Variants in CPO observed in about 807,000 individuals in gnomAD.
CPO encodes carboxypeptidase O, also known as metallocarboxypeptidase C.
Under a neutral mutation model 41.2 loss-of-function variants are expected in CPO, and 43 were observed. The observed-to-expected ratio is 1.04, with a 90% CI of 0.82 to 1.35. The LOEUF (loss-of-function observed/expected upper bound fraction) is 1.35. Ranked by LOEUF, CPO falls within the 40% of genes most tolerant of loss-of-function variation. The pLI, the probability that CPO is intolerant of heterozygous loss-of-function variation, is 0.00. For missense variants in CPO, 408 were observed against 451.7 expected (o/e 0.90, Z 0.88); for synonymous variants, 178 against 162.7 (o/e 1.09, Z -0.72).
At chr2:206,940,847 C>T (rs958359492) in intron 1 of CPO, among the ~76,000 whole-genome samples, 1 of 152,122 alleles carries the variant, frequency 6.6e-6, no homozygotes, top group Non-Finnish European at 1.5e-5. Flanking sequence ...TGTGTGACCT[C>T]AGCTTGTTCC....
At chr2:206,947,446 C>T (rs916230594) in intron 1 of CPO, among the ~76,000 whole-genome samples, 2 of 152,072 alleles carry the variant, frequency 1.3e-5, no homozygotes, top group Non-Finnish European at 2.9e-5. Context: ...AACTATAAAA[C>T]TCTAGAAGAT....
chr2:206,965,567 T>A (rs936466530), intron 7 of CPO, among the ~76,000 whole-genome samples: 1 of 152,200 alleles, frequency 6.6e-6, no homozygotes, highest in Non-Finnish European at 1.5e-5. Flanking sequence ...AGAATTCTAA[T>A]GTTTTACATG....
intron 7 of CPO, among the ~76,000 whole-genome samples, chr2:206,965,102 A>C (rs1243617173): frequency 6.6e-6 from 1 of 152,220 alleles, no homozygotes; most frequent in Non-Finnish European, 1.5e-5. Flanking sequence ...GAAGAGAATA[A>C]CTGGCAACTC....
intron 3 of CPO, 30 bp downstream of exon 3, chr2:206,955,594 C>A: frequency 8.8e-7 from 1 of 1,134,878 alleles, no homozygotes; most frequent in Non-Finnish European, 1.3e-6. Flanking sequence ...ATTACCTTAC[C>A]AGGAGAATTA....
chr2:206,961,660 G>T (rs1693480420), intron 6 of CPO, among the ~76,000 whole-genome samples: 1 of 152,070 alleles, frequency 6.6e-6, no homozygotes, highest in African/African-American at 2.4e-5. Context: ...TTATGTCCTT[G>T]CTAAATAGCT....
intron 1 of CPO, among the ~76,000 whole-genome samples, chr2:206,943,721 GGATAGATGATA>G (rs1287560107): frequency 1.3e-4 from 16 of 121,416 alleles, no homozygotes; most frequent in Non-Finnish European, 2.6e-4. Context: ...GATAGATGAT[GGATAGATGATA>G]GATAGATAGA....
chr2:206,957,571 A>G (rs530725193), intron 3 of CPO, among the ~76,000 whole-genome samples: 1 of 152,280 alleles, frequency 6.6e-6, no homozygotes, highest in Admixed American at 6.5e-5. Context: ...TTTTCAACAA[A>G]TAGCCTTGGT....
rs369795028 is a variant in CPO at position 206,969,372 on chromosome 2, C to G, written c.1061C>G (p.Ala354Gly). Residue 354 changes from alanine to glycine, a missense_variant, in exon 9 of 9, where the codon GCT becomes GGT. Transcript: ENST00000272852. The stretch of plus-strand genomic sequence containing the variant: ...GCGAAACACTGGCACTCGGACAGTG[C>G]TGGAAGGGTGACATCTGCCACTATG... ...VYAKHWHSDS[A>G]GRVTSATMLL... 4 of 1,613,986 alleles carry G rather than the reference C, an allele frequency of 2.5e-6. No individual in the cohort carries two copies. The highest frequency in any genetic ancestry group is 3.4e-6 in the Non-Finnish European group (4 of 1,179,948).
At chr2:206,957,922 G>A (rs536325766) in intron 3 of CPO, among the ~76,000 whole-genome samples, 25 of 152,266 alleles carry the variant, frequency 1.6e-4, no homozygotes, top group African/African-American at 4.8e-4. Flanking sequence ...GCACTTCACC[G>A]CTCTAAGTGA....
chr2:206,941,898 G>A lies in CPO; in HGVS notation c.68+2231G>A, dbSNP rs375372461. On this transcript the variant is annotated intron_variant, in intron 1 of 8. Coordinates refer to ENST00000272852, the MANE Select transcript of CPO (RefSeq NM_173077.3). ...AAAGTGTAACTCTGTATAATCATTT[G>A]GGATTTAGCAATATCAATCAAATGG... Among the ~76,000 whole-genome samples, 253 of 151,972 alleles carry A rather than the reference G, an allele frequency of 1.7e-3. 4 individuals carry two copies. Among genetic ancestry groups the A allele is most frequent in the African/African-American group, 5.7e-3 (235 of 41,484 alleles).
intron 1 of CPO, among the ~76,000 whole-genome samples, chr2:206,943,782 TAAGCA>T (rs2105818309): frequency 7.0e-6 from 1 of 143,154 alleles, no homozygotes. Flanking sequence ...AGATAGATGA[TAAGCA>T]GATAGATGGA....
chr2:206,961,579 G>A (rs1008448318), intron 6 of CPO, among the ~76,000 whole-genome samples: 1 of 152,120 alleles, frequency 6.6e-6, no homozygotes, highest in Non-Finnish European at 1.5e-5. Flanking sequence ...GAAGTGTTGG[G>A]CACAGTACCT....
chr2:206,959,751 C>G lies in CPO; in HGVS notation c.483+10C>G, dbSNP rs748203289. The G allele has an allele frequency of 8.3e-7, 1 of 1,204,636 alleles. No individual in the cohort carries two copies. The highest frequency in any genetic ancestry group is 1.2e-5 in the South Asian group (1 of 81,830). The allele number at this position is 1,204,636 out of a possible 1,614,324, so 74.6% of individuals were successfully genotyped here. A position where few individuals can be genotyped will look rare whatever the true frequency, so the allele number is the denominator to read the frequency against. ...CTACACTTGGACAACTGTGAGTACA[C>G]CATGTTTGGTCCTGGGATGAGTTCA... On this transcript the variant is annotated intron_variant, in intron 5 of 8. Coordinates refer to ENST00000272852, the MANE Select transcript of CPO (RefSeq NM_173077.3).
intron 1 of CPO, among the ~76,000 whole-genome samples, chr2:206,940,934 T>C (rs931687589): frequency 3.3e-5 from 5 of 152,136 alleles, no homozygotes; most frequent in Non-Finnish European, 1.5e-5. Context: ...AATATTTCTT[T>C]CTCATTTTTC....
rs575597225 is a variant in CPO, at chr2:206,941,616, C to T, written c.68+1949C>T. Among the ~76,000 whole-genome samples the T allele has an allele frequency of 4.6e-5, 7 of 152,196 alleles. No individual in the cohort carries two copies. In the South Asian group the frequency reaches 6.2e-4, roughly 14 times the overall value. On this transcript the variant is annotated intron_variant, in intron 1 of 8. Transcript: ENST00000272852. ...GCTTCCATTGGATGGTTCCTCATGA[C>T]TGCACTTGACCGTGCTTGTCTTTAT...
At chr2:206,957,095 T>C (rs140873828) in intron 3 of CPO, among the ~76,000 whole-genome samples, 6 of 152,172 alleles carry the variant, frequency 3.9e-5, no homozygotes, top group Non-Finnish European at 7.4e-5. Context: ...TAGGAGGACA[T>C]TGGCGGGTGC....
chr2:206,945,675 T>A (rs759355801), intron 1 of CPO, among the ~76,000 whole-genome samples: 1 of 152,198 alleles, frequency 6.6e-6, no homozygotes, highest in Non-Finnish European at 1.5e-5. Context: ...GAGCACAATA[T>A]CTGGCAAAGA....
intron 6 of CPO, among the ~76,000 whole-genome samples, chr2:206,961,966 G>A (rs1418739556): frequency 6.6e-6 from 1 of 151,736 alleles, no homozygotes; most frequent in Non-Finnish European, 1.5e-5. Context: ...CTCGCGTGGT[G>A]GCGGGTGCCT....
chr2:206,968,183 T>C, intron 7 of CPO, 80 bp from the exon 8 acceptor site: 1 of 986,300 alleles, frequency 1.0e-6, no homozygotes, highest in Non-Finnish European at 1.6e-6. Context: ...TGGAGATGAA[T>C]CTGGACAAAA....
Sources: allele counts gnomAD v4.1 joint callset (sites outside exome capture counted in the v4.1 genomes callset), GRCh38; gene constraint gnomAD v4.1.1; transcripts MANE v1.5; gene names NCBI Gene and HGNC (gene_info 2026-07-23, HGNC 2026-07-21).